Variants in CNTNAP2 observed in about 807,000 individuals in gnomAD.
CNTNAP2 encodes contactin-associated protein-like 2.
Under a neutral mutation model 155.2 loss-of-function variants are expected in CNTNAP2, and 98 were observed. The ratio of observed to expected loss-of-function variants is 0.63; its 90% CI spans 0.54 to 0.75. The LOEUF (loss-of-function observed/expected upper bound fraction) is 0.75. CNTNAP2 is among the 30% of genes least tolerant of loss of function. CNTNAP2 has a pLI of 0.00. For missense variants in CNTNAP2, 1,727 were observed against 1,688.1 expected (o/e 1.02, Z -0.40); for synonymous variants, 651 against 631.2 (o/e 1.03, Z -0.47).
At chr7:146,708,026 C>T (rs1425166911) in intron 1 of CNTNAP2, among the ~76,000 whole-genome samples, 1 of 151,354 alleles carries the variant, frequency 6.6e-6, no homozygotes, top group African/African-American at 2.4e-5. Context: ...GTTCTTACGC[C>T]AAAAATAAAG....
At chr7:146,756,761 A>G (rs1802002144) in intron 1 of CNTNAP2, among the ~76,000 whole-genome samples, 1 of 152,078 alleles carries the variant, frequency 6.6e-6, no homozygotes, top group African/African-American at 2.4e-5. Context: ...TAAAATCTTG[A>G]TCTTCCAACC....
chr7:148,029,544 C>T (rs147488484), intron 15 of CNTNAP2, among the ~76,000 whole-genome samples: 396 of 152,298 alleles, frequency 2.6e-3, no homozygotes, highest in African/African-American at 9.0e-3. Flanking sequence ...AACTATACAA[C>T]AATTTCTCTA....
intron 12 of CNTNAP2, among the ~76,000 whole-genome samples, chr7:147,581,355 G>T (rs1167933318): frequency 1.3e-5 from 2 of 152,130 alleles, no homozygotes; most frequent in African/African-American, 2.4e-5. Context: ...GTAATTTTGG[G>T]CTATTGTCAC....
chr7:148,038,740 G>A lies in CNTNAP2; in HGVS notation c.2383+60751G>A, dbSNP rs78153847. Among the ~76,000 whole-genome samples the A allele has an allele frequency of 7.6e-4, 115 of 152,186 alleles. 1 individual carries two copies. The East Asian group carries it at 0.018, about 24-fold the overall frequency. On this transcript the variant is annotated intron_variant, in intron 15 of 23. Transcript: ENST00000361727. The stretch of plus-strand genomic sequence containing the variant: ...TGCCCATAGAAACTCCATTAAGCAG[G>A]ATGGTAACTGACTCCATTAAAGCAA...
intron 17 of CNTNAP2, among the ~76,000 whole-genome samples, chr7:148,160,563 C>G (rs1032017157): frequency 6.6e-6 from 1 of 152,084 alleles, no homozygotes; most frequent in Non-Finnish European, 1.5e-5. Context: ...TATTGCTGAA[C>G]CTTTTAAAAA....
chr7:146,437,318 T>C (rs1238607435), intron 1 of CNTNAP2, among the ~76,000 whole-genome samples: 1 of 151,504 alleles, frequency 6.6e-6, no homozygotes, highest in Admixed American at 6.6e-5. Context: ...ACGACTGTTC[T>C]AAACGACAAA....
chr7:147,787,837 A>G lies in CNTNAP2; in HGVS notation c.2099-115728A>G, dbSNP rs148374483. On this transcript the variant is annotated intron_variant, in intron 13 of 23. Transcript: ENST00000361727. ...TAGACTGGACTCATTTTAAAACAAC[A>G]CTTAATGCATATGCTGTAATGAATA... Among the ~76,000 whole-genome samples the G allele has an allele frequency of 9.2e-3, 1,409 of 152,354 alleles. 27 individuals are homozygous for G. Among genetic ancestry groups the G allele is most frequent in the African/African-American group, 0.033 (1,354 of 41,588 alleles).
intron 13 of CNTNAP2, among the ~76,000 whole-genome samples, chr7:147,887,638 A>G (rs535952202): frequency 1.3e-5 from 2 of 152,316 alleles, no homozygotes; most frequent in South Asian, 4.1e-4. Flanking sequence ...TGTCAGTTCC[A>G]TGCAACCAGC....
chr7:146,934,124 A>G (rs1241651947), intron 3 of CNTNAP2, among the ~76,000 whole-genome samples: 2 of 152,028 alleles, frequency 1.3e-5, no homozygotes, highest in Non-Finnish European at 2.9e-5. Flanking sequence ...TCATGCTGCT[A>G]TAAAGACACA....
chr7:147,426,644 AT>A (rs1797382542), intron 10 of CNTNAP2, among the ~76,000 whole-genome samples: 1 of 152,172 alleles, frequency 6.6e-6, no homozygotes, highest in South Asian at 2.1e-4. Flanking sequence ...CTCCAAAGGC[AT>A]AGCATTTTAA....
At chr7:146,584,780 A>G (rs1351401451) in intron 1 of CNTNAP2, among the ~76,000 whole-genome samples, 2 of 140,600 alleles carry the variant, frequency 1.4e-5, no homozygotes, top group African/African-American at 5.8e-5. Flanking sequence ...CCTATTGGCC[A>G]ATGTTCTTAA....
intron 21 of CNTNAP2, among the ~76,000 whole-genome samples, chr7:148,380,643 T>TC (rs1175002589): frequency 6.6e-6 from 1 of 151,842 alleles, no homozygotes; most frequent in Non-Finnish European, 1.5e-5. Flanking sequence ...TCTTTTTTTT[T>TC]TATATGAAAC....
chr7:146,298,112 G>A (rs751091676), intron 1 of CNTNAP2, among the ~76,000 whole-genome samples: 3 of 152,200 alleles, frequency 2.0e-5, no homozygotes, highest in Non-Finnish European at 4.4e-5. Context: ...ACAGAAAACA[G>A]GAGGTAGAAT....
intron 3 of CNTNAP2, among the ~76,000 whole-genome samples, chr7:146,986,074 G>T (rs1316133804): frequency 2.0e-5 from 3 of 152,010 alleles, no homozygotes; most frequent in African/African-American, 7.2e-5. Flanking sequence ...CTTTAGTGGT[G>T]ATTTGTGAGA....
intron 13 of CNTNAP2, among the ~76,000 whole-genome samples, chr7:147,791,677 C>A (rs1243823109): frequency 6.6e-6 from 1 of 152,102 alleles, no homozygotes; most frequent in Non-Finnish European, 1.5e-5. Context: ...GCATCCTCTG[C>A]CCCAGACATA....
intron 22 of CNTNAP2, among the ~76,000 whole-genome samples, chr7:148,404,238 T>C (rs1799650236): frequency 1.3e-5 from 2 of 152,240 alleles, no homozygotes; most frequent in African/African-American, 2.4e-5. Context: ...ATGATTAAGA[T>C]TGGTCTCTGA....
At chr7:147,221,515 G>A (rs1803398483) in intron 8 of CNTNAP2, among the ~76,000 whole-genome samples, 1 of 152,130 alleles carries the variant, frequency 6.6e-6, no homozygotes, top group African/African-American at 2.4e-5. Flanking sequence ...AGGTGCCCAA[G>A]CTTAGCATGG....
intron 2 of CNTNAP2, among the ~76,000 whole-genome samples, chr7:146,826,731 T>C (rs1803407750): frequency 6.6e-6 from 1 of 152,022 alleles, no homozygotes; most frequent in East Asian, 1.9e-4. Context: ...GCTAGAGTTT[T>C]AATACAATCC....
chr7:146,838,599 T>C (rs897245970), intron 2 of CNTNAP2, among the ~76,000 whole-genome samples: 1 of 147,114 alleles, frequency 6.8e-6, no homozygotes, highest in Non-Finnish European at 1.5e-5. Context: ...ATTACAGGCG[T>C]GAGCCACTGA....
Sources: gnomAD v4.1 joint callset for allele counts (sites outside exome capture counted in the v4.1 genomes callset) on GRCh38, gnomAD v4.1.1 for gene constraint, MANE v1.5 for transcripts, NCBI Gene and HGNC (gene_info 2026-07-23, HGNC 2026-07-21) for gene names.